LARS2: variants seen among roughly 807,000 people sequenced by gnomAD.
LARS2 encodes leucine--tRNA ligase, mitochondrial.
Under a neutral mutation model 116.6 loss-of-function variants are expected in LARS2, and 81 were observed. The observed-to-expected ratio is 0.69, with a 90% CI of 0.58 to 0.84. LARS2 has a LOEUF of 0.84. Among genes scored for constraint, LARS2 ranks in the 40% least tolerant of loss-of-function variants. The probability of loss-of-function intolerance (pLI) is 0.00; values close to 1 mark genes in which losing one functional copy is unlikely to be tolerated. For synonymous variants in LARS2, 396 were observed against 407.2 expected, an observed-to-expected ratio of 0.97 and a Z score of 0.33; for missense variants, 968 against 1,114.5, an observed-to-expected ratio of 0.87 and a Z score of 1.87.
In LARS2 at chr3:45,549,069, A is replaced by G. The variant is rs772167373; in HGVS notation, c.*1539A>G. The G allele has an allele frequency of 1.3e-5, 2 of 152,236 alleles. No individual in the cohort carries two copies. Among genetic ancestry groups the G allele is most frequent in the African/African-American group, 2.4e-5 (1 of 41,464 alleles). 9.4% of individuals were successfully genotyped at this position (152,236 alleles called of 1,614,324 possible). A position where few individuals can be genotyped will look rare whatever the true frequency, so the allele number is the denominator to read the frequency against. The stretch of plus-strand genomic sequence containing the variant: ...CAGCAATTAAGTCACTGGTTCTCAG[A>G]CTTAATACTCTGCCTGGTCCTCATG... On this transcript the variant is annotated 3_prime_UTR_variant, in exon 22 of 22. Coordinates refer to ENST00000645846, the MANE Select transcript of LARS2 (RefSeq NM_015340.4).
intron 4 of LARS2, among the ~76,000 whole-genome samples, chr3:45,417,103 C>A (rs982398339): frequency 1.0e-4 from 15 of 143,260 alleles, no homozygotes; most frequent in African/African-American, 3.3e-4. Context: ...AAAAAACTGA[C>A]ATGACATGAG....
At chr3:45,444,266 G>T (rs1289574839) in intron 6 of LARS2, among the ~76,000 whole-genome samples, 1 of 149,210 alleles carries the variant, frequency 6.7e-6, no homozygotes, top group Non-Finnish European at 1.5e-5. Flanking sequence ...CCCCGCCTCA[G>T]CCTCCCAAAG....
At chr3:45,542,828 A>G (rs1700818331) in intron 21 of LARS2, among the ~76,000 whole-genome samples, 1 of 152,268 alleles carries the variant, frequency 6.6e-6, no homozygotes, top group Non-Finnish European at 1.5e-5. Context: ...TCAAGATAGG[A>G]CAGACAGGTT....
chr3:45,508,710 A>G (rs1700234930), intron 15 of LARS2, among the ~76,000 whole-genome samples: 1 of 151,992 alleles, frequency 6.6e-6, no homozygotes, highest in African/African-American at 2.4e-5. Context: ...ACATCCTGAT[A>G]TTCTTTGCTC....
chr3:45,514,136 G>A (rs1700335377), intron 16 of LARS2, among the ~76,000 whole-genome samples: 1 of 152,076 alleles, frequency 6.6e-6, no homozygotes, highest in Admixed American at 6.5e-5. Flanking sequence ...AACCCAGGAG[G>A]TGGAGGTTGC....
intron 6 of LARS2, among the ~76,000 whole-genome samples, chr3:45,439,703 G>A (rs1698873794): frequency 6.6e-6 from 1 of 152,060 alleles, no homozygotes; most frequent in African/African-American, 2.4e-5. Context: ...TTGGGGTGGG[G>A]CTGAGGCATG....
Position 45,523,091 on chromosome 3 carries a change from G to A in LARS2, c.2293-906G>A, listed in dbSNP as rs76833035. The stretch of plus-strand genomic sequence containing the variant: ...ATTTCCTGTATATTCTGTGCTGAGT[G>A]TGTGTTAGTTTTTTAATCAGAAAAA... On this transcript the variant is annotated intron_variant, in intron 19 of 21. Coordinates refer to ENST00000645846, the MANE Select transcript of LARS2 (RefSeq NM_015340.4). 2.2e-3 allele frequency among the ~76,000 whole-genome samples: 341 copies of A among 152,194 alleles called. 2 individuals carry two copies. Among genetic ancestry groups the A allele is most frequent in the African/African-American group, 7.8e-3 (322 of 41,502 alleles).
chr3:45,500,629 C>T, intron 15 of LARS2, 50 bp downstream of exon 15: 1 of 1,393,588 alleles, frequency 7.2e-7, no homozygotes, highest in Non-Finnish European at 9.7e-7. Flanking sequence ...TGAATAGCAA[C>T]TTTAAGCAGG....
intron 3 of LARS2, among the ~76,000 whole-genome samples, chr3:45,396,037 T>G (rs1046798362): frequency 1.1e-4 from 17 of 152,252 alleles, no homozygotes; most frequent in Non-Finnish European, 1.2e-4. Context: ...AAATTAGCTT[T>G]TTTTTCCCTT....
chr3:45,546,442 C>G (rs1447941381), intron 21 of LARS2, among the ~76,000 whole-genome samples: 1 of 152,202 alleles, frequency 6.6e-6, no homozygotes, highest in Non-Finnish European at 1.5e-5. Context: ...TTCGTCCTCT[C>G]CCTGTGACCT....
intron 6 of LARS2, among the ~76,000 whole-genome samples, chr3:45,444,898 G>GA (rs1559471609): frequency 6.6e-6 from 1 of 151,626 alleles, no homozygotes; most frequent in Admixed American, 6.6e-5. Flanking sequence ...ATTGAGAAAA[G>GA]AAAATATTGA....
chr3:45,499,081 G>A (rs1350944990), intron 14 of LARS2, among the ~76,000 whole-genome samples: 1 of 152,054 alleles, frequency 6.6e-6, no homozygotes, highest in African/African-American at 2.4e-5. Flanking sequence ...ATGACTTGAG[G>A]CCAGGAGTTC....
intron 4 of LARS2, among the ~76,000 whole-genome samples, chr3:45,413,021 A>T (rs1698357829): frequency 6.6e-6 from 1 of 152,220 alleles, no homozygotes; most frequent in South Asian, 2.1e-4. Context: ...ATCATTAACT[A>T]TTCAGGAAAG....
chr3:45,455,492 C>T (rs1699199566), intron 7 of LARS2, among the ~76,000 whole-genome samples: 1 of 152,050 alleles, frequency 6.6e-6, no homozygotes, highest in African/African-American at 2.4e-5. Context: ...TCCTTTCTTT[C>T]TACCTGTTAT....
chr3:45,394,776 T>C, intron 3 of LARS2, 89 bp downstream of exon 3: 1 of 832,560 alleles, frequency 1.2e-6, no homozygotes, highest in Non-Finnish European at 1.9e-6. Flanking sequence ...AAATAAGATA[T>C]TAAATATGTG....
rs76516836 is a variant in LARS2, at chr3:45,460,808, A to G, written c.750+1922A>G. ...TATAGTTGAGACCCCCAAAAAGGCCATGTATTAGAGTAGGGATGACACCCT... is the reference window on the plus strand; with the variant it reads ...TATAGTTGAGACCCCCAAAAAGGCCGTGTATTAGAGTAGGGATGACACCCT... On this transcript the variant is annotated intron_variant, in intron 8 of 21. Transcript: ENST00000645846. Among the ~76,000 whole-genome samples the G allele has an allele frequency of 3.6e-3, 548 of 152,332 alleles. 3 individuals are homozygous for G. Among genetic ancestry groups the G allele is most frequent in the Non-Finnish European group, 5.5e-3 (375 of 68,020 alleles).
Position 45,474,192 on chromosome 3 carries a change from C to G in LARS2, c.751-51C>G, listed in dbSNP as rs189129045. 2,245 of 1,218,402 alleles carry G rather than the reference C, an allele frequency of 1.8e-3. 5 individuals carry two copies. Among genetic ancestry groups the G allele is most frequent in the Non-Finnish European group, 2.2e-3 (1,901 of 845,406 alleles). The allele number at this position is 1,218,402 out of a possible 1,614,324, so 75.5% of individuals were successfully genotyped here. A position where few individuals can be genotyped will look rare whatever the true frequency, so the allele number is the denominator to read the frequency against. On this transcript the variant is annotated intron_variant, in intron 8 of 21. Transcript: ENST00000645846. Reference sequence around the variant, plus strand: ...ACAAGCTGCAAATCATTTGCTTTTTCTTAAATAAGCCTTGTGCCTCTACTT... The same window carrying G: ...ACAAGCTGCAAATCATTTGCTTTTTGTTAAATAAGCCTTGTGCCTCTACTT...
At chr3:45,416,473 C>G (rs1019986705) in intron 4 of LARS2, among the ~76,000 whole-genome samples, 4 of 152,096 alleles carry the variant, frequency 2.6e-5, no homozygotes, top group Admixed American at 1.3e-4. Flanking sequence ...CAGGTCCGGG[C>G]CACTGAGTAG....
At chr3:45,452,659 T>C (rs1385753850) in intron 7 of LARS2, among the ~76,000 whole-genome samples, 1 of 152,178 alleles carries the variant, frequency 6.6e-6, no homozygotes, top group Non-Finnish European at 1.5e-5. Context: ...TTTTTTGTTA[T>C]GTCTTTGTCT....
Sources: allele counts gnomAD v4.1 joint callset (sites outside exome capture counted in the v4.1 genomes callset), GRCh38; gene constraint gnomAD v4.1.1; transcripts MANE v1.5; gene names NCBI Gene and HGNC (gene_info 2026-07-23, HGNC 2026-07-21).